ILKAP: variants seen among roughly 807,000 people sequenced by gnomAD.
The protein encoded by ILKAP is integrin-linked kinase-associated serine/threonine phosphatase 2C.
A neutral mutation model predicts 49.1 loss-of-function variants in ILKAP; 11 were observed. That is an observed-to-expected ratio of 0.22 (90% CI 0.14 to 0.37). The LOEUF (loss-of-function observed/expected upper bound fraction) is 0.37, where lower values mean the gene tolerates loss of function less well. ILKAP is among the 10% of genes least tolerant of loss of function. The pLI is 1.00. For missense variants in ILKAP, 363 were observed against 510.8 expected, an observed-to-expected ratio of 0.71 and a Z score of 2.79; for synonymous variants, 186 against 192.8, an observed-to-expected ratio of 0.96 and a Z score of 0.29.
At chr2:238,195,110 T>G (rs1320738929) in intron 1 of ILKAP, among the ~76,000 whole-genome samples, 1 of 152,254 alleles carries the variant, frequency 6.6e-6, no homozygotes, top group African/African-American at 2.4e-5. Context: ...ACAGGCATCT[T>G]CAGGGCCACT....
intron 9 of ILKAP, chr2:238,174,010 G>A (rs567904530): frequency 4.8e-6 from 1 of 209,452 alleles, no homozygotes; most frequent in Non-Finnish European, 9.5e-6. Flanking sequence ...GCCTGGCAGT[G>A]TTTTGTATCT....
At chr2:238,191,943 C>A (rs34700572) in intron 3 of ILKAP, among the ~76,000 whole-genome samples, 35,377 of 150,174 alleles carry the variant, frequency 0.24, 4,501 homozygotes, top group East Asian at 0.48. Flanking sequence ...CCAGGCGCAG[C>A]GGCTCATGCC....
intron 8 of ILKAP, among the ~76,000 whole-genome samples, chr2:238,182,562 C>A (rs1447577437): frequency 3.3e-5 from 5 of 152,178 alleles, no homozygotes; most frequent in African/African-American, 2.4e-5. Context: ...CTATGGAAGG[C>A]AAAGAGGAGG....
Position 238,194,810 on chromosome 2 carries a change from T to A in ILKAP, c.116A>T (p.Asp39Val). ...GGAGAGCCTGAAGACTGTACCTGAG[T>A]CAGTACTGCTGGCCGGAGGGAGGTC... ...FDDLPPASST[D>V]SGSGGPLLFD... Residue 39 changes from aspartate to valine, a missense_variant, in exon 2 of 12, where the codon GAC becomes GTC. This residue lies in a region of ILKAP where 114 missense variants were observed against 116.0 expected (regional missense o/e 0.98). Coordinates refer to ENST00000254654, the MANE Select transcript of ILKAP (RefSeq NM_030768.3). 6.2e-7 allele frequency: 1 copy of A among 1,613,932 alleles called. No individual in the cohort carries two copies. The highest frequency in any genetic ancestry group is 8.5e-7 in the Non-Finnish European group (1 of 1,179,902).
rs999944002 is a variant in ILKAP at position 238,185,437 on chromosome 2, G to GA, written c.426-151dup. The GA allele has an allele frequency of 3.6e-4, 188 of 524,050 alleles. 1 individual carries two copies. The highest frequency in any genetic ancestry group is 2.8e-3 in the African/African-American group (147 of 51,760). The allele number at this position is 524,050 out of a possible 1,614,324, so 32.5% of individuals were successfully genotyped here. A position where few individuals can be genotyped will look rare whatever the true frequency, so the allele number is the denominator to read the frequency against. On this transcript the variant is annotated intron_variant, in intron 5 of 11. Coordinates refer to ENST00000254654, the MANE Select transcript of ILKAP (RefSeq NM_030768.3). ...ACACCAGTCACACTGTTACAAATGG[G>GA]AAAAAAAAGGCTTTAACTGAGACAA...
chr2:238,199,701 CT>C (rs1391075164), intron 1 of ILKAP, among the ~76,000 whole-genome samples: 1 of 151,652 alleles, frequency 6.6e-6, no homozygotes, highest in Non-Finnish European at 1.5e-5. Context: ...TTTTTTATGA[CT>C]TTTTTCTTGT....
Position 238,188,196 on chromosome 2 carries a change from C to G in ILKAP, c.360G>C (p.Glu120Asp). Residue 120 changes from glutamate to aspartate, a missense_variant, in exon 5 of 12, where the codon GAG becomes GAC. Around this residue, in one of 3 missense-constraint regions of ILKAP, gnomAD observed 166 missense variants for 307.3 expected, o/e 0.54. Coordinates refer to ENST00000254654, the MANE Select transcript of ILKAP (RefSeq NM_030768.3). ...YVAERKGERE[E>D]MQDAHVILND... ...TCAGGATGACGTGGGCATCCTGCATCTCCTCCCTCTCACCCTTCCGCTCAG... is the reference window on the plus strand; with the variant it reads ...TCAGGATGACGTGGGCATCCTGCATGTCCTCCCTCTCACCCTTCCGCTCAG... 6.2e-7 allele frequency: 1 copy of G among 1,614,080 alleles called. No homozygotes were observed. Among genetic ancestry groups the G allele is most frequent in the Non-Finnish European group, 8.5e-7 (1 of 1,179,998 alleles).
chr2:238,170,506 C>A lies in ILKAP; in HGVS notation c.*30G>T. On this transcript the variant is annotated 3_prime_UTR_variant, in exon 12 of 12. Transcript: ENST00000254654. The stretch of plus-strand genomic sequence containing the variant: ...ACAAAATGAACCTTTTAAGTCAATA[C>A]CATGCGTGCTCCTGGCCGCGCGCCA... 6.4e-7 allele frequency: 1 copy of A among 1,571,364 alleles called. No homozygotes were observed. Among genetic ancestry groups the A allele is most frequent in the Non-Finnish European group, 8.7e-7 (1 of 1,152,678 alleles).
intron 4 of ILKAP, chr2:238,189,550 A>AG (rs766907132): frequency 5.0e-6 from 1 of 198,128 alleles, no homozygotes; most frequent in Non-Finnish European, 1.0e-5. Context: ...GAGAGAGACT[A>AG]GGTGGTCAAA....
rs760249512 is a variant in ILKAP at position 238,184,154 on chromosome 2, G to A, written c.533-41C>T. On this transcript the variant is annotated intron_variant, in intron 6 of 11. Coordinates refer to ENST00000254654, the MANE Select transcript of ILKAP (RefSeq NM_030768.3). ...CAAAAGAAAACAATCTCTCAAGGAG[G>A]GAAGATTATCCTCCTCCCACTGTCA... 2.7e-6 allele frequency: 3 copies of A among 1,100,138 alleles called. No homozygotes were observed. The South Asian group carries it at 3.8e-5, about 14-fold the overall frequency. 68.1% of individuals were successfully genotyped at this position (1,100,138 alleles called of 1,614,324 possible). A position where few individuals can be genotyped will look rare whatever the true frequency, so the allele number is the denominator to read the frequency against.
intron 3 of ILKAP, among the ~76,000 whole-genome samples, chr2:238,190,641 G>A (rs1007833565): frequency 2.6e-5 from 4 of 152,118 alleles, no homozygotes; most frequent in Admixed American, 6.5e-5. Flanking sequence ...AAATGGGTCA[G>A]GACAAGTAGG....
At chr2:238,182,680 T>C (rs1693746992) in intron 8 of ILKAP, among the ~76,000 whole-genome samples, 1 of 152,336 alleles carries the variant, frequency 6.6e-6, no homozygotes, top group Admixed American at 6.5e-5. Flanking sequence ...AGGAAGACAC[T>C]GAGGCACGAA....
chr2:238,178,273 C>T (rs1002092126), intron 9 of ILKAP, among the ~76,000 whole-genome samples: 2 of 152,318 alleles, frequency 1.3e-5, no homozygotes, highest in South Asian at 4.1e-4. Flanking sequence ...CCTAGAACTC[C>T]TAGACTCAAG....
intron 4 of ILKAP, among the ~76,000 whole-genome samples, chr2:238,189,228 T>G (rs939091692): frequency 6.6e-6 from 1 of 151,926 alleles, no homozygotes; most frequent in Non-Finnish European, 1.5e-5. Flanking sequence ...TGAGGTAGAA[T>G]GGTATGAACC....
chr2:238,192,905 C>T (rs1252908700), intron 3 of ILKAP, among the ~76,000 whole-genome samples: 1 of 150,876 alleles, frequency 6.6e-6, no homozygotes, highest in Non-Finnish European at 1.5e-5. Context: ...CCCAACTACT[C>T]AGGAGGCTGA....
At chr2:238,201,507 A>G (rs1694566078) in intron 1 of ILKAP, among the ~76,000 whole-genome samples, 1 of 152,180 alleles carries the variant, frequency 6.6e-6, no homozygotes, top group Non-Finnish European at 1.5e-5. Context: ...TTTAAACACC[A>G]TGCACCCCCT....
rs1365707006 is a variant in ILKAP at position 238,194,343 on chromosome 2, C to A, written c.122-12G>T. The A allele has an allele frequency of 5.0e-6, 8 of 1,613,762 alleles. No homozygotes were observed. In the South Asian group the frequency reaches 7.7e-5, roughly 16 times the overall value. ...AGGTCCCCCTGATCCTGAAACACAGCAGAACACTTAGTGAGCCCACAAAAA... is the reference window on the plus strand; with the variant it reads ...AGGTCCCCCTGATCCTGAAACACAGAAGAACACTTAGTGAGCCCACAAAAA... On this transcript the variant is annotated splice_polypyrimidine_tract_variant and intron_variant, in intron 2 of 11. Coordinates refer to ENST00000254654, the MANE Select transcript of ILKAP (RefSeq NM_030768.3).
chr2:238,173,495 A>G (rs370356663), intron 10 of ILKAP, 39 bp downstream of exon 10: 18 of 1,594,848 alleles, frequency 1.1e-5, no homozygotes, highest in Non-Finnish European at 1.5e-5. Flanking sequence ...AAATAAACCC[A>G]CATGCACACA....
intron 10 of ILKAP, among the ~76,000 whole-genome samples, chr2:238,171,424 G>A (rs948911866): frequency 6.6e-6 from 1 of 152,128 alleles, no homozygotes; most frequent in African/African-American, 2.4e-5. Flanking sequence ...GCCTCCCAAA[G>A]TGCTGGGATT....
Sources: gnomAD v4.1 joint callset for allele counts (sites outside exome capture counted in the v4.1 genomes callset) on GRCh38, gnomAD v4.1.1 for gene constraint, gnomAD v4.1.1 regional missense constraint, MANE v1.5 for transcripts, NCBI Gene and HGNC (gene_info 2026-07-23, HGNC 2026-07-21) for gene names.